Variants in DMD observed in about 807,000 individuals in gnomAD.
DMD encodes dystrophin, also known as mutant dystrophin.
Under a neutral mutation model 330.1 loss-of-function variants are expected in DMD, and 63 were observed. That is an observed-to-expected ratio of 0.19 (90% CI 0.16 to 0.24). The LOEUF is 0.24. DMD is among the 10% of genes least tolerant of loss of function. The pLI is 1.00. For synonymous variants in DMD, 1,223 were observed against 959.8 expected (o/e 1.27, Z -5.07); for missense variants, 3,344 against 2,684.1 (o/e 1.25, Z -5.43).
intron 2 of DMD, among the ~76,000 whole-genome samples, chrX:32,897,965 T>C (rs2085882264): frequency 8.9e-6 from 1 of 112,431 alleles, no homozygotes; most frequent in African/African-American, 3.2e-5. Flanking sequence ...ATATGTAGAA[T>C]TATCATTTTA....
chrX:31,756,873 GCT>G (rs1166548741), intron 51 of DMD, among the ~76,000 whole-genome samples: 1 of 111,438 alleles, frequency 9.0e-6, no homozygotes, highest in Admixed American at 9.6e-5. Flanking sequence ...TTCAAAATCT[GCT>G]CTTTCTTATT....
chrX:33,084,101 T>G (rs1052880357), intron 1 of DMD, among the ~76,000 whole-genome samples: 1 of 111,997 alleles, frequency 8.9e-6, no homozygotes, highest in Non-Finnish European at 1.9e-5. Flanking sequence ...CCATTGCAAT[T>G]AAGTCCACGC....
chrX:32,572,932 C>CTT (rs934819057), intron 15 of DMD, among the ~76,000 whole-genome samples: 1 of 110,895 alleles, frequency 9.0e-6, no homozygotes, highest in African/African-American at 3.3e-5. Context: ...CCTCTTATCT[C>CTT]TTTTGTTTCC....
At chrX:31,780,222 T>C (rs1260387783) in intron 50 of DMD, among the ~76,000 whole-genome samples, 2 of 112,246 alleles carry the variant, frequency 1.8e-5, no homozygotes, top group Admixed American at 1.9e-4. Context: ...ACAGGTCTCC[T>C]TTGGTTGATA....
chrX:31,832,213 G>A (rs764832715), intron 49 of DMD, among the ~76,000 whole-genome samples: 153 of 111,855 alleles, frequency 1.4e-3, no homozygotes, highest in African/African-American at 4.3e-3. Flanking sequence ...TATTTATTTC[G>A]GCAACATTTC....
chrX:32,888,213 T>A (rs2084857178), intron 2 of DMD, among the ~76,000 whole-genome samples: 1 of 110,498 alleles, frequency 9.0e-6, no homozygotes, highest in Non-Finnish European at 1.9e-5. Context: ...GGTATACATG[T>A]GCCATGGTGG....
chrX:32,740,994 T>TAC (rs1187583482), intron 7 of DMD, among the ~76,000 whole-genome samples: 1 of 111,869 alleles, frequency 8.9e-6, no homozygotes, highest in African/African-American at 3.2e-5. Flanking sequence ...AGTCTGTACC[T>TAC]ACCCAGATAT....
intron 7 of DMD, among the ~76,000 whole-genome samples, chrX:32,783,231 T>TATAC (rs1204888594): frequency 3.0e-5 from 3 of 98,830 alleles, no homozygotes; most frequent in African/African-American, 7.2e-5. Context: ...CGTGTATACG[T>TATAC]ATATACACAT....
At position 32,010,526 on chromosome X, in the gene DMD, A is replaced by G. The variant is rs182573550; in HGVS notation, c.6439-42012T>C. Among the ~76,000 whole-genome samples the G allele has an allele frequency of 2.1e-4, 24 of 111,879 alleles. No individual in the cohort carries two copies. The East Asian group carries it at 4.2e-3, about 20-fold the overall frequency. On this transcript the variant is annotated intron_variant, in intron 44 of 78. Transcript: ENST00000357033. ...CTCTGCTTATACTTTGTTGTCTTCT[A>G]TCTTCTCTACAACTTTTGCTGAAGT... is the stretch of plus-strand genomic sequence containing the variant.
chrX:32,558,894 TAC>T (rs1362037492), intron 16 of DMD, among the ~76,000 whole-genome samples: 1 of 107,336 alleles, frequency 9.3e-6, no homozygotes, highest in Non-Finnish European at 1.9e-5. Context: ...AGCAAAATGA[TAC>T]AGTTAATTTC....
chrX:31,985,185 TACCTTCTGCCATTCCTAATTTAGC>T (rs1481902244), intron 44 of DMD, among the ~76,000 whole-genome samples: 1 of 112,174 alleles, frequency 8.9e-6, no homozygotes. Context: ...ATTAGAATAT[TACCTTCTGCCATTCCTAATTTAGC>T]ATATAAAGGT....
At chrX:31,249,579 G>A (rs2049144230) in intron 63 of DMD, among the ~76,000 whole-genome samples, 2 of 111,275 alleles carry the variant, frequency 1.8e-5, no homozygotes, top group South Asian at 7.6e-4. Flanking sequence ...AGTACAAAAT[G>A]TATTATTTTA....
At chrX:32,175,613 C>G (rs753351228) in intron 44 of DMD, among the ~76,000 whole-genome samples, 3 of 107,317 alleles carry the variant, frequency 2.8e-5, no homozygotes, top group Non-Finnish European at 5.8e-5. Context: ...CACGAACCCA[C>G]CGGCGGGAAC....
chrX:32,806,923 C>T (rs1011673438), intron 7 of DMD, among the ~76,000 whole-genome samples: 50 of 109,147 alleles, frequency 4.6e-4, no homozygotes, highest in African/African-American at 1.6e-3. Flanking sequence ...GTGCCAGAAT[C>T]TCTGGGACAC....
At chrX:31,262,074 C>T (rs2050577453) in intron 62 of DMD, among the ~76,000 whole-genome samples, 1 of 112,412 alleles carries the variant, frequency 8.9e-6, no homozygotes, top group Non-Finnish European at 1.9e-5. Context: ...GTCGAATGGC[C>T]TTAGCGTATG....
chrX:31,501,487 C>T (rs962429582), intron 56 of DMD, among the ~76,000 whole-genome samples: 7 of 111,924 alleles, frequency 6.3e-5, no homozygotes, highest in African/African-American at 2.3e-4. Context: ...GGGTTACTAC[C>T]GTTTAACAAG....
intron 1 of DMD, among the ~76,000 whole-genome samples, chrX:33,233,545 G>A (rs1433406717): frequency 2.7e-5 from 3 of 112,564 alleles, no homozygotes; most frequent in Admixed American, 9.4e-5. Context: ...AAGCTAGTTC[G>A]AAAGGATTAA....
In DMD at chrX:31,496,704, T is replaced by C. The variant is rs2069889647; in HGVS notation, c.8547+84A>G. The C allele has an allele frequency of 2.2e-5, 24 of 1,108,640 alleles. No individual in the cohort carries two copies. The South Asian group carries it at 4.5e-4, about 21-fold the overall frequency. The allele number at this position is 1,108,640 out of a possible 1,213,427, so 91.4% of individuals were successfully genotyped here. On this transcript the variant is annotated intron_variant, in intron 57 of 78. Coordinates refer to ENST00000357033, the MANE Select transcript of DMD (RefSeq NM_004006.3). ...TAAAAAAGATTTCTATTCAACTTAATTTCAAACAAAATTAATTTTAAAATA... is the reference window on the plus strand; with the variant it reads ...TAAAAAAGATTTCTATTCAACTTAACTTCAAACAAAATTAATTTTAAAATA...
chrX:32,888,285 C>T (rs1258847032), intron 2 of DMD, among the ~76,000 whole-genome samples: 1 of 110,273 alleles, frequency 9.1e-6, no homozygotes, highest in Non-Finnish European at 1.9e-5. Flanking sequence ...GGTATTTGTC[C>T]TAATGCTCTC....
Sources: allele counts gnomAD v4.1 joint callset (sites outside exome capture counted in the v4.1 genomes callset), GRCh38; gene constraint gnomAD v4.1.1; transcripts MANE v1.5; gene names NCBI Gene and HGNC (gene_info 2026-07-23, HGNC 2026-07-21).